The following BTRC variants were observed in gnomAD, a reference collection of about 807,000 sequenced individuals.
The protein encoded by BTRC is F-box/WD repeat-containing protein 1A.
In BTRC, 42 loss-of-function variants were observed where a neutral mutation model predicts 85.5. That is an observed-to-expected ratio of 0.49 (90% CI 0.38 to 0.64). The LOEUF is 0.64. Ranked by LOEUF, BTRC falls within the 30% of genes least tolerant of loss-of-function variation. The pLI is 0.00. For synonymous variants in BTRC, 255 were observed against 263.3 expected (o/e 0.97, Z 0.30); for missense variants, 594 against 743.5 (o/e 0.80, Z 2.34).
chr10:101,435,817 A>T (rs1245740478), intron 2 of BTRC, among the ~76,000 whole-genome samples: 1 of 152,112 alleles, frequency 6.6e-6, no homozygotes, highest in Non-Finnish European at 1.5e-5. Context: ...ATTTTTACTA[A>T]TATTGACAAA....
intron 4 of BTRC, among the ~76,000 whole-genome samples, chr10:101,486,885 CACTT>C (rs1349090062): frequency 1.3e-5 from 2 of 152,180 alleles, no homozygotes; most frequent in East Asian, 1.9e-4. Context: ...AAGAAACTGT[CACTT>C]ACTGAAGGGT....
chr10:101,480,727 A>G (rs922597264), intron 4 of BTRC, among the ~76,000 whole-genome samples: 4 of 152,190 alleles, frequency 2.6e-5, no homozygotes, highest in African/African-American at 9.7e-5. Flanking sequence ...AAATATAACC[A>G]TCGAAATCAT....
intron 4 of BTRC, among the ~76,000 whole-genome samples, chr10:101,516,776 A>C (rs984459711): frequency 3.3e-5 from 5 of 152,242 alleles, no homozygotes; most frequent in African/African-American, 1.2e-4. Context: ...GATTATAGCA[A>C]TATCTCGTTT....
chr10:101,373,120 T>C (rs553362351), intron 1 of BTRC, among the ~76,000 whole-genome samples: 1 of 152,372 alleles, frequency 6.6e-6, no homozygotes, highest in Non-Finnish European at 1.5e-5. Context: ...TAATCCTCTT[T>C]GTTGCTGATA....
chr10:101,525,976 T>A lies in BTRC; in HGVS notation c.557-37T>A, dbSNP rs1270088399. On this transcript the variant is annotated intron_variant, in intron 5 of 14. Transcript: ENST00000370187. ...TTGTAAAAAATCATTCGCCACCTTC[T>A]GTGTTCTTTTTCTTTGCCTCCTCCC... The A allele has an allele frequency of 3.1e-6, 5 of 1,597,956 alleles. No homozygotes were observed. The Admixed American group carries it at 8.5e-5, about 27-fold the overall frequency.
At chr10:101,392,816 A>C (rs1478510102) in intron 1 of BTRC, among the ~76,000 whole-genome samples, 1 of 152,172 alleles carries the variant, frequency 6.6e-6, no homozygotes, top group Non-Finnish European at 1.5e-5. Context: ...AAGCTTCCGC[A>C]CCCGACCAAT....
In BTRC at chr10:101,532,401, TAGTA is replaced by T. The variant is rs1314629976; in HGVS notation, c.950_953del (p.Val317AlafsTer38). 6.2e-7 allele frequency: 1 copy of T among 1,612,264 alleles called. No individual in the cohort carries two copies. On this transcript the variant is annotated frameshift_variant, in exon 8 of 15. Coordinates refer to ENST00000370187, the MANE Select transcript of BTRC (RefSeq NM_033637.4). LOFTEE classifies it high-confidence loss of function. ...TGTTTACAGTATGATGATCAGAAAA[TAGTA>T]AGCGGCCTTCGAGACAACACAATCA...
intron 1 of BTRC, among the ~76,000 whole-genome samples, chr10:101,418,803 C>T (rs937390586): frequency 2.6e-5 from 4 of 152,024 alleles, no homozygotes; most frequent in Non-Finnish European, 5.9e-5. Flanking sequence ...CAACCCATCA[C>T]CTAGGTATCA....
intron 4 of BTRC, among the ~76,000 whole-genome samples, chr10:101,495,888 G>A (rs1382525132): frequency 1.4e-5 from 2 of 147,246 alleles, no homozygotes; most frequent in Non-Finnish European, 3.1e-5. Context: ...GACCATTACC[G>A]GAGCCCACTA....
chr10:101,441,254 A>G (rs1944671812), intron 2 of BTRC, among the ~76,000 whole-genome samples: 1 of 152,244 alleles, frequency 6.6e-6, no homozygotes, highest in Admixed American at 6.5e-5. Context: ...AAGAAACTAC[A>G]AAATTTCTTC....
At chr10:101,491,257 G>A (rs924260459) in intron 4 of BTRC, among the ~76,000 whole-genome samples, 5 of 151,340 alleles carry the variant, frequency 3.3e-5, no homozygotes, top group Admixed American at 2.6e-4. Context: ...ACTTACTTTA[G>A]TAATTGTTTT....
At chr10:101,418,320 A>G (rs893442504) in intron 1 of BTRC, among the ~76,000 whole-genome samples, 6 of 152,000 alleles carry the variant, frequency 3.9e-5, no homozygotes, top group Non-Finnish European at 7.4e-5. Flanking sequence ...GTGAGCCAAT[A>G]TTGTGCCACT....
At chr10:101,395,708 C>A (rs1313254967) in intron 1 of BTRC, among the ~76,000 whole-genome samples, 1 of 152,018 alleles carries the variant, frequency 6.6e-6, no homozygotes, top group Non-Finnish European at 1.5e-5. Context: ...CAGTTCATTG[C>A]ATACTACAAA....
rs909398410 is a variant in BTRC, at chr10:101,378,613, C to T, written c.48+24385C>T. On this transcript the variant is annotated intron_variant, in intron 1 of 14. Coordinates refer to ENST00000370187, the MANE Select transcript of BTRC (RefSeq NM_033637.4). ...GATCTTGGTGCACTGCAACCCCTAC[C>T]TCCCATGTTCAAGCGATTCTCCTGC... is the stretch of plus-strand genomic sequence containing the variant. Among the ~76,000 whole-genome samples, 4 of 150,848 alleles carry T rather than the reference C, an allele frequency of 2.7e-5. No individual in the cohort carries two copies. In the South Asian group the frequency reaches 6.3e-4, roughly 24 times the overall value.
chr10:101,436,342 A>G (rs1457548318), intron 2 of BTRC, among the ~76,000 whole-genome samples: 1 of 152,198 alleles, frequency 6.6e-6, no homozygotes, highest in Non-Finnish European at 1.5e-5. Context: ...TGAAATTCTG[A>G]CTGTAAGAAT....
At chr10:101,455,867 C>G (rs550706799) in intron 2 of BTRC, among the ~76,000 whole-genome samples, 1 of 152,130 alleles carries the variant, frequency 6.6e-6, no homozygotes. Flanking sequence ...AATGGCCGGG[C>G]ATGGTGGCTT....
intron 1 of BTRC, among the ~76,000 whole-genome samples, chr10:101,374,151 A>G (rs1239338915): frequency 6.6e-6 from 1 of 152,114 alleles, no homozygotes; most frequent in African/African-American, 2.4e-5. Flanking sequence ...GACTTCCACA[A>G]TGGTTGAACT....
At chr10:101,505,810 T>TG (rs1257585487) in intron 4 of BTRC, among the ~76,000 whole-genome samples, 1 of 152,078 alleles carries the variant, frequency 6.6e-6, no homozygotes, top group Non-Finnish European at 1.5e-5. Flanking sequence ...ATTCTTTGCT[T>TG]GACCCCCCCC....
At chr10:101,371,367 G>A (rs1026592952) in intron 1 of BTRC, among the ~76,000 whole-genome samples, 18 of 152,042 alleles carry the variant, frequency 1.2e-4, no homozygotes, top group Non-Finnish European at 1.9e-4. Context: ...TAGTAGAGAC[G>A]AAGTTCACCA....
Sources: allele counts gnomAD v4.1 joint callset (sites outside exome capture counted in the v4.1 genomes callset), GRCh38; gene constraint gnomAD v4.1.1; transcripts MANE v1.5; gene names NCBI Gene and HGNC (gene_info 2026-07-23, HGNC 2026-07-21).